PRKN: variants seen among roughly 807,000 people sequenced by gnomAD.
PRKN encodes the protein E3 ubiquitin-protein ligase parkin.
A neutral mutation model predicts 59.5 loss-of-function variants in PRKN; 56 were observed. The ratio of observed to expected loss-of-function variants is 0.94; its 90% CI spans 0.76 to 1.18. The LOEUF is 1.18. Among genes scored for constraint, PRKN ranks in the 50% most tolerant of loss-of-function variants. The pLI is 0.00. For missense variants in PRKN, 657 were observed against 596.4 expected, an observed-to-expected ratio of 1.10 and a Z score of -1.06; for synonymous variants, 250 against 222.1, an observed-to-expected ratio of 1.13 and a Z score of -1.12.
intron 8 of PRKN, among the ~76,000 whole-genome samples, chr6:161,557,778 G>C (rs1000773693): frequency 6.6e-6 from 1 of 152,192 alleles, no homozygotes; most frequent in Non-Finnish European, 1.5e-5. Context: ...GTCAATGCTT[G>C]CCAGCCATCC....
chr6:162,496,338 T>C (rs1420420511), intron 1 of PRKN, among the ~76,000 whole-genome samples: 1 of 152,236 alleles, frequency 6.6e-6, no homozygotes, highest in Non-Finnish European at 1.5e-5. Flanking sequence ...GAGTAACTTC[T>C]ACATTCTTTG....
intron 6 of PRKN, among the ~76,000 whole-genome samples, chr6:161,794,534 A>G (rs917110775): frequency 6.6e-6 from 1 of 152,136 alleles, no homozygotes; most frequent in Non-Finnish European, 1.5e-5. Context: ...CTTGGCCCCA[A>G]AATATGAACT....
Position 161,417,934 on chromosome 6 carries a change from G to A in PRKN, c.1084-31057C>T, listed in dbSNP as rs1488888291. ...CTCAGTGGCCCACCCAGGGGCATGA[G>A]TAATGCTGGGAGCTGCAGGCTGGCT... On this transcript the variant is annotated intron_variant, in intron 9 of 11. Transcript: ENST00000366898. This position sits in a 1 kb window ranked among gnomAD's most constrained non-coding sequence, Gnocchi z 5.4. 6.6e-6 allele frequency among the ~76,000 whole-genome samples: 1 copy of A among 152,214 alleles called. No individual in the cohort carries two copies. The highest frequency in any genetic ancestry group is 2.4e-5 in the African/African-American group (1 of 41,462).
chr6:161,641,162 A>C (rs1783722937), intron 7 of PRKN, among the ~76,000 whole-genome samples: 1 of 152,226 alleles, frequency 6.6e-6, no homozygotes, highest in Non-Finnish European at 1.5e-5. Flanking sequence ...CCTTTTCCAA[A>C]ACAAACCCCC....
intron 1 of PRKN, among the ~76,000 whole-genome samples, chr6:162,617,350 G>C (rs1782468000): frequency 6.6e-6 from 1 of 152,100 alleles, no homozygotes; most frequent in African/African-American, 2.4e-5. Context: ...TCCCACCTCA[G>C]CCGCCCAAGT....
chr6:161,864,623 A>C (rs1472168213), intron 6 of PRKN, among the ~76,000 whole-genome samples: 1 of 149,458 alleles, frequency 6.7e-6, no homozygotes, highest in Admixed American at 6.6e-5. Context: ...TTCTTTCCAA[A>C]AGGTGTTTTT....
At chr6:161,570,146 A>AAAAAATAT (rs869285771) in intron 7 of PRKN, among the ~76,000 whole-genome samples, 3 of 76,584 alleles carry the variant, frequency 3.9e-5, no homozygotes, top group African/African-American at 1.4e-4. Flanking sequence ...AAAAAAAAAA[A>AAAAAATAT]ATATATATAT....
chr6:162,718,392 T>C (rs1328910465), intron 1 of PRKN, among the ~76,000 whole-genome samples: 1 of 152,126 alleles, frequency 6.6e-6, no homozygotes, highest in African/African-American at 2.4e-5. Flanking sequence ...ATATGAAAGT[T>C]TCTTAGATGT....
At chr6:162,131,634 C>T (rs1781360969) in intron 4 of PRKN, among the ~76,000 whole-genome samples, 1 of 152,048 alleles carries the variant, frequency 6.6e-6, no homozygotes, top group Non-Finnish European at 1.5e-5. Flanking sequence ...TTTCTTGGTA[C>T]CTGGAGGAGA....
intron 6 of PRKN, among the ~76,000 whole-genome samples, chr6:161,790,147 T>C (rs1228044287): frequency 2.0e-5 from 3 of 152,200 alleles, no homozygotes; most frequent in Non-Finnish European, 4.4e-5. Flanking sequence ...TGAGTCAGGA[T>C]GGATCCATTA....
At chr6:161,443,652 T>C (rs7774827) in intron 9 of PRKN, among the ~76,000 whole-genome samples, 21,479 of 151,754 alleles carry the variant, frequency 0.14, 1,760 homozygotes, top group African/African-American at 0.21. Flanking sequence ...ATAAGAACAA[T>C]CAGTTTTTTT....
chr6:161,439,876 A>G (rs1789115203), intron 9 of PRKN, among the ~76,000 whole-genome samples: 1 of 152,172 alleles, frequency 6.6e-6, no homozygotes, highest in Admixed American at 6.6e-5. Flanking sequence ...AGACTTGGTC[A>G]AGGTCGTCCC....
At chr6:162,112,156 AAACTCGAATATCTTTGC>A (rs1780466245) in intron 4 of PRKN, among the ~76,000 whole-genome samples, 1 of 152,244 alleles carries the variant, frequency 6.6e-6, no homozygotes, top group Admixed American at 6.5e-5. Flanking sequence ...AGGGATGTGA[AAACTCGAATATCTTTGC>A]AACCTTCAAA....
chr6:161,959,796 C>T (rs1780313543), intron 6 of PRKN, among the ~76,000 whole-genome samples: 1 of 152,074 alleles, frequency 6.6e-6, no homozygotes, highest in Non-Finnish European at 1.5e-5. Context: ...CTAAAATTTT[C>T]AAAGTGTGTT....
At chr6:162,298,769 T>C (rs1311022446) in intron 2 of PRKN, among the ~76,000 whole-genome samples, 1 of 152,022 alleles carries the variant, frequency 6.6e-6, no homozygotes, top group Non-Finnish European at 1.5e-5. Context: ...TTCTTGACCC[T>C]GTGCCCATCC....
At chr6:161,862,348 T>C (rs1041673848) in intron 6 of PRKN, among the ~76,000 whole-genome samples, 2 of 152,174 alleles carry the variant, frequency 1.3e-5, no homozygotes, top group African/African-American at 4.8e-5. Context: ...TAAATTGTTC[T>C]AGCCTTGGCA....
At chr6:161,665,566 C>T (rs1049339922) in intron 7 of PRKN, among the ~76,000 whole-genome samples, 2 of 152,144 alleles carry the variant, frequency 1.3e-5, no homozygotes, top group Non-Finnish European at 2.9e-5. Context: ...GAAATTTAGA[C>T]TCTTCTTTAC....
intron 1 of PRKN, among the ~76,000 whole-genome samples, chr6:162,501,084 C>T (rs1371625999): frequency 3.3e-5 from 5 of 152,092 alleles, no homozygotes; most frequent in Non-Finnish European, 5.9e-5. Context: ...GAGACGATTG[C>T]TTGAATCCAG....
intron 2 of PRKN, among the ~76,000 whole-genome samples, chr6:162,418,922 C>G (rs914590750): frequency 2.6e-5 from 4 of 151,760 alleles, no homozygotes; most frequent in African/African-American, 9.7e-5. Context: ...GGACAAGGAC[C>G]CACCCTGTAC....
Sources: allele counts gnomAD v4.1 joint callset (sites outside exome capture counted in the v4.1 genomes callset), GRCh38; gene constraint gnomAD v4.1.1; non-coding constraint Gnocchi (gnomAD v3.1); transcripts MANE v1.5; gene names NCBI Gene and HGNC (gene_info 2026-07-23, HGNC 2026-07-21).